MZT2B: variants seen among roughly 807,000 people sequenced by gnomAD.
MZT2B encodes the protein mitotic-spindle organizing protein 2B.
Under a neutral mutation model 12.1 loss-of-function variants are expected in MZT2B, and 11 were observed. That is an observed-to-expected ratio of 0.91 (90% CI 0.57 to 1.50). MZT2B has a LOEUF of 1.50. Ranked by LOEUF, MZT2B falls within the 40% of genes most tolerant of loss-of-function variation. MZT2B has a pLI of 0.00. For synonymous variants in MZT2B, 85 were observed against 109.5 expected (o/e 0.78, Z 1.40); for missense variants, 209 against 227.7 (o/e 0.92, Z 0.53).
At chr2:130,189,158 C>T (rs867525026) in intron 2 of MZT2B, among the ~76,000 whole-genome samples, 41 of 152,192 alleles carry the variant, frequency 2.7e-4, no homozygotes, top group African/African-American at 7.2e-4. Flanking sequence ...AGGGAGCTTA[C>T]ATACAGAGGG....
At chr2:130,183,623 CAGGCATCCTGAGA>C in intron 2 of MZT2B, 2 of 1,202,354 alleles carry the variant, frequency 1.7e-6, no homozygotes, top group Non-Finnish European at 2.4e-6. Flanking sequence ...GAGACCCGCA[CAGGCATCCTGAGA>C]AGGCGTGGAG....
chr2:130,191,873 C>T (rs1436143176), downstream of MZT2B: 8 of 1,613,620 alleles, frequency 5.0e-6, no homozygotes, highest in African/African-American at 4.0e-5. Context: ...CCACGGAATC[C>T]ACGCCCACCT....
chr2:130,188,412 TG>T (rs1352128528), intron 2 of MZT2B: 2 of 167,112 alleles, frequency 1.2e-5, no homozygotes, highest in Admixed American at 6.5e-5. Flanking sequence ...ACAGAATCCT[TG>T]CCCCTTGACC....
intron 2 of MZT2B, among the ~76,000 whole-genome samples, chr2:130,188,503 C>T (rs529967288): frequency 2.6e-5 from 4 of 152,294 alleles, no homozygotes; most frequent in Admixed American, 6.5e-5. Flanking sequence ...GCCTTTTTCA[C>T]GAGTCACTGC....
chr2:130,190,474 A>T lies in MZT2B; in HGVS notation c.325A>T (p.Asn109Tyr). 2 of 1,613,462 alleles carry T rather than the reference A, an allele frequency of 1.2e-6. No homozygotes were observed. Among genetic ancestry groups the T allele is most frequent in the Non-Finnish European group, 1.7e-6 (2 of 1,179,688 alleles). Residue 109 changes from asparagine (N) to tyrosine (Y), a missense_variant, in exon 3 of 3, where the codon AAC becomes TAC. Asn to Tyr is a moderately radical substitution (Grantham distance 143). Coordinates refer to ENST00000281871, the MANE Select transcript of MZT2B (RefSeq NM_025029.5). ...TGTGCTTTGTGTCTCCTCAGGGAGA[A>T]ACAAAGGCAGCGCTGCCCTCGGGGG... Reference protein sequence around the residue: ...TSSVPETRGRNKGSAALGGAL... With the variant: ...TSSVPETRGRYKGSAALGGAL...
chr2:130,190,426 G>C, intron 2 of MZT2B, 43 bp from the exon 3 acceptor site: 1 of 1,599,896 alleles, frequency 6.3e-7, no homozygotes, highest in Non-Finnish European at 8.6e-7. Context: ...CTGCAGTTAC[G>C]GGGCACGCCC....
At chr2:130,184,141 A>G (rs777897016) in intron 2 of MZT2B, 44 of 1,493,740 alleles carry the variant, frequency 2.9e-5, no homozygotes, top group Middle Eastern at 2.1e-4. Flanking sequence ...TTAGAGACAT[A>G]GTGTGGCAGT....
At chr2:130,202,543 A>C in the MZT2B span, 3 of 1,075,168 alleles carry the variant, frequency 2.8e-6, no homozygotes, top group East Asian at 1.9e-4. Flanking sequence ...ACTCCCACTC[A>C]TGGACTGTCC....
At chr2:130,181,671 T>C, upstream of MZT2B, 5 of 1,550,014 alleles carry the variant, frequency 3.2e-6, no homozygotes, top group South Asian at 5.9e-5. Context: ...GGCCGTTACC[T>C]CAAAAGGCGC....
chr2:130,184,644 C>T (rs1689987476), intron 2 of MZT2B: 1 of 985,214 alleles, frequency 1.0e-6, no homozygotes, highest in Non-Finnish European at 1.2e-6. Flanking sequence ...GGCTGAGGGA[C>T]AGGCCTGGAG....
At chr2:130,192,586 C>G (rs1690293164), downstream of MZT2B, among the ~76,000 whole-genome samples, 1 of 152,196 alleles carries the variant, frequency 6.6e-6, no homozygotes, top group African/African-American at 2.4e-5. Context: ...GCAAAGGTAG[C>G]AGATCATGGG....
intron 2 of MZT2B, among the ~76,000 whole-genome samples, chr2:130,190,223 C>T (rs187751106): frequency 2.0e-5 from 3 of 152,300 alleles, no homozygotes; most frequent in Non-Finnish European, 4.4e-5. Context: ...GCAGTGTGCT[C>T]CTTGCATGGC....
upstream of MZT2B, chr2:130,182,059 C>A: frequency 7.4e-7 from 1 of 1,348,376 alleles, no homozygotes; most frequent in Non-Finnish European, 9.6e-7. Context: ...CCCCTGCGGT[C>A]CGCCATGCCA....
At chr2:130,186,733 C>T (rs748932231) in intron 2 of MZT2B, among the ~76,000 whole-genome samples, 5 of 152,154 alleles carry the variant, frequency 3.3e-5, no homozygotes, top group Non-Finnish European at 5.9e-5. Context: ...CACAGGGAGA[C>T]CCAATCTCTA....
intron 2 of MZT2B, chr2:130,184,816 G>C: frequency 2.0e-6 from 2 of 985,426 alleles, no homozygotes; most frequent in Non-Finnish European, 2.4e-6. Flanking sequence ...AGGGCAGAGG[G>C]TGTGGCAGGG....
upstream of MZT2B, chr2:130,182,239 G>C: frequency 8.1e-7 from 1 of 1,234,922 alleles, no homozygotes; most frequent in South Asian, 3.4e-5. Context: ...GCAGCCGCTA[G>C]GGGGCGCGGC....
chr2:130,192,292 C>T (rs576005449), downstream of MZT2B, among the ~76,000 whole-genome samples: 2 of 152,284 alleles, frequency 1.3e-5, no homozygotes, highest in South Asian at 2.1e-4. Context: ...GGTGATAGTT[C>T]CAGACGAGGA....
Position 130,190,476 on chromosome 2 carries a change from C to T in MZT2B, c.327C>T (p.Asn109=), listed in dbSNP as rs1558780628. The change falls in exon 3 of 3, where the codon AAC becomes AAT. Residue 109 remains asparagine (N), a synonymous_variant. Coordinates refer to ENST00000281871, the MANE Select transcript of MZT2B (RefSeq NM_025029.5). ...TGCTTTGTGTCTCCTCAGGGAGAAA[C>T]AAAGGCAGCGCTGCCCTCGGGGGAG... is the stretch of plus-strand genomic sequence containing the variant. ...TSSVPETRGR[N]KGSAALGGAL... is the part of the protein sequence containing the mutation. 6.2e-7 allele frequency: 1 copy of T among 1,613,524 alleles called. No individual in the cohort carries two copies. Among genetic ancestry groups the T allele is most frequent in the Non-Finnish European group, 8.5e-7 (1 of 1,179,758 alleles).
At chr2:130,182,091 C>T (rs1689705031), upstream of MZT2B, 1 of 1,347,402 alleles carries the variant, frequency 7.4e-7, no homozygotes, top group African/African-American at 1.5e-5. Context: ...TAGAGCGCCG[C>T]TCAGCACACC....
Sources: gnomAD v4.1 joint callset for allele counts (sites outside exome capture counted in the v4.1 genomes callset) on GRCh38, gnomAD v4.1.1 for gene constraint, MANE v1.5 for transcripts, NCBI Gene and HGNC (gene_info 2026-07-23, HGNC 2026-07-21) for gene names.